SLC2A9: variants seen among roughly 807,000 people sequenced by gnomAD.
SLC2A9 encodes solute carrier family 2, facilitated glucose transporter member 9.
SLC2A9 carries 39 observed loss-of-function variants against 50.6 expected under a neutral mutation model. The ratio of observed to expected loss-of-function variants is 0.77; its 90% confidence interval spans 0.60 to 1.01. The LOEUF is 1.01. Among genes scored for constraint, SLC2A9 ranks in the 50% least tolerant of loss-of-function variants. The pLI is 0.00. For synonymous variants in SLC2A9, 324 were observed against 276.9 expected (o/e 1.17, Z -1.69); for missense variants, 686 against 677.6 (o/e 1.01, Z -0.14).
intron 6 of SLC2A9, among the ~76,000 whole-genome samples, chr4:9,931,194 C>G (rs1332347309): frequency 6.6e-6 from 1 of 152,220 alleles, no homozygotes; most frequent in Non-Finnish European, 1.5e-5. Context: ...GCCCTACCCC[C>G]TGAATGCATG....
At chr4:9,853,415 C>T (rs1730268991) in intron 10 of SLC2A9, among the ~76,000 whole-genome samples, 1 of 152,166 alleles carries the variant, frequency 6.6e-6, no homozygotes, top group African/African-American at 2.4e-5. Context: ...AAGTGCATTA[C>T]ATAATGATAA....
chr4:9,774,917 C>A (rs1244896701), downstream of SLC2A9, among the ~76,000 whole-genome samples: 1 of 152,118 alleles, frequency 6.6e-6, no homozygotes, highest in Non-Finnish European at 1.5e-5. Context: ...CACCACATAC[C>A]AGCAGAGCCA....
At chr4:9,812,882 G>A (rs552009243) in intron 3 of SLC2A9, among the ~76,000 whole-genome samples, 4 of 152,040 alleles carry the variant, frequency 2.6e-5, no homozygotes, top group South Asian at 4.2e-4. Flanking sequence ...AAATTTACTC[G>A]ACTTAATGTA....
intron 3 of SLC2A9, among the ~76,000 whole-genome samples, chr4:9,810,682 C>T (rs1031260129): frequency 3.3e-5 from 5 of 152,192 alleles, no homozygotes; most frequent in Admixed American, 6.5e-5. Flanking sequence ...CAGAAAGCTG[C>T]TGAGGGATTA....
chr4:9,850,208 T>C (rs943573303), intron 10 of SLC2A9, among the ~76,000 whole-genome samples: 6 of 152,092 alleles, frequency 3.9e-5, no homozygotes, highest in Non-Finnish European at 7.4e-5. Context: ...TGGCCCGCTC[T>C]CACCATGGAC....
intron 5 of SLC2A9, among the ~76,000 whole-genome samples, chr4:9,947,392 GC>G (rs1749381871): frequency 6.6e-6 from 1 of 152,182 alleles, no homozygotes; most frequent in Admixed American, 6.5e-5. Context: ...GGTGCACCGA[GC>G]ACTCAGCTCC....
At chr4:9,779,043 G>A (rs1717954817), downstream of SLC2A9, among the ~76,000 whole-genome samples, 1 of 152,136 alleles carries the variant, frequency 6.6e-6, no homozygotes, top group Non-Finnish European at 1.5e-5. Context: ...TGGGATTACA[G>A]GCATGAGCCA....
intron 8 of SLC2A9, among the ~76,000 whole-genome samples, chr4:9,891,895 A>G (rs761380475): frequency 4.6e-5 from 7 of 152,228 alleles, no homozygotes; most frequent in Non-Finnish European, 8.8e-5. Context: ...GCTGAGGGCC[A>G]TGAAGCCAGA....
intron 8 of SLC2A9, among the ~76,000 whole-genome samples, chr4:9,897,208 A>G (rs1021334610): frequency 6.6e-6 from 1 of 152,140 alleles, no homozygotes; most frequent in African/African-American, 2.4e-5. Context: ...AGGCAAATAC[A>G]CATTCACATT....
intron 10 of SLC2A9, among the ~76,000 whole-genome samples, chr4:9,881,822 C>T (rs1204512076): frequency 1.3e-5 from 2 of 152,200 alleles, no homozygotes; most frequent in Admixed American, 6.5e-5. Flanking sequence ...AACATCTTTA[C>T]GGTCTTTTCC....
intron 5 of SLC2A9, among the ~76,000 whole-genome samples, chr4:9,960,675 A>G (rs1394454926): frequency 6.6e-6 from 1 of 152,076 alleles, no homozygotes; most frequent in Non-Finnish European, 1.5e-5. Flanking sequence ...TGAAAATGCT[A>G]TTTCTTTTTT....
chr4:9,959,701 A>T (rs1751938843), intron 5 of SLC2A9, among the ~76,000 whole-genome samples: 1 of 152,160 alleles, frequency 6.6e-6, no homozygotes, highest in Non-Finnish European at 1.5e-5. Context: ...TTTAAGACAA[A>T]GATTAGTTGA....
chr4:10,028,678 A>G (rs1256060991), intron 1 of SLC2A9, among the ~76,000 whole-genome samples: 1 of 152,176 alleles, frequency 6.6e-6, no homozygotes. Context: ...CCATTCTGCA[A>G]TCTGTCTAAA....
downstream of SLC2A9, among the ~76,000 whole-genome samples, chr4:9,823,259 G>C (rs781717359): frequency 6.6e-6 from 1 of 152,154 alleles, no homozygotes; most frequent in Non-Finnish European, 1.5e-5. Context: ...AATTAGGAAA[G>C]GAGACCTGTT....
intron 3 of SLC2A9, among the ~76,000 whole-genome samples, chr4:9,811,744 A>C (rs1560141547): frequency 6.6e-6 from 1 of 152,160 alleles, no homozygotes; most frequent in Non-Finnish European, 1.5e-5. Context: ...AGTTTTGGGG[A>C]TATTTTGTTC....
chr4:10,011,953 C>G lies in SLC2A9; in HGVS notation c.249+7022G>C, dbSNP rs553854067. 1.7e-4 allele frequency among the ~76,000 whole-genome samples: 26 copies of G among 152,314 alleles called. No homozygotes were observed. In the East Asian group the frequency reaches 4.2e-3, roughly 25 times the overall value. On this transcript the variant is annotated intron_variant, in intron 2 of 11. Transcript: ENST00000264784. Reference sequence around the variant, plus strand: ...CCTCCCTTTTCTAAAACCTCTAGCACAGGGGTTAGCCAACAATTGGCCAGC... The same window carrying G: ...CCTCCCTTTTCTAAAACCTCTAGCAGAGGGGTTAGCCAACAATTGGCCAGC...
At chr4:9,842,494 T>C (rs544272703) in intron 10 of SLC2A9, among the ~76,000 whole-genome samples, 1 of 152,348 alleles carries the variant, frequency 6.6e-6, no homozygotes, top group South Asian at 2.1e-4. Flanking sequence ...TTATGAATTG[T>C]AATTACAGAT....
At chr4:9,883,047 G>A (rs1434418599) in intron 10 of SLC2A9, among the ~76,000 whole-genome samples, 3 of 152,050 alleles carry the variant, frequency 2.0e-5, no homozygotes, top group African/African-American at 7.2e-5. Context: ...TGGAAGTGAT[G>A]CATGTATGTC....
chr4:10,016,169 G>A (rs1487166326), intron 2 of SLC2A9, among the ~76,000 whole-genome samples: 1 of 152,244 alleles, frequency 6.6e-6, no homozygotes, highest in East Asian at 1.9e-4. Context: ...GGCCACAGAG[G>A]TAGAGCTCCG....
Sources: gnomAD v4.1 joint callset for allele counts (sites outside exome capture counted in the v4.1 genomes callset) on GRCh38, gnomAD v4.1.1 for gene constraint, MANE v1.5 for transcripts, NCBI Gene and HGNC (gene_info 2026-07-23, HGNC 2026-07-21) for gene names.